GNAO1: variants seen among roughly 807,000 people sequenced by gnomAD.
GNAO1 encodes G protein subunit alpha o1.
For synonymous variants in GNAO1, 164 were observed against 180.7 expected, an observed-to-expected ratio of 0.91 and a Z score of 0.74; for missense variants, 166 against 478.7, an observed-to-expected ratio of 0.35 and a Z score of 6.10.
rs60037687 is a variant in GNAO1 at position 56,192,726 on chromosome 16, GCACA to G, written c.161+132_161+135del. On this transcript the variant is annotated intron_variant, in intron 2 of 8. Transcript: ENST00000262493. ...TCTCCAGGCCTGTTTTTTAATTCGT[GCACA>G]CACACACACACACACACACACCCCT... is the stretch of plus-strand genomic sequence containing the variant. 1.8e-3 allele frequency: 992 copies of G among 562,514 alleles called. 1 individual carries two copies. The highest frequency in any genetic ancestry group is 3.8e-3 in the African/African-American group (198 of 52,042). 34.8% of individuals were successfully genotyped at this position (562,514 alleles called of 1,614,324 possible).
intron 2 of GNAO1, among the ~76,000 whole-genome samples, chr16:56,196,528 C>G (rs2036235204): frequency 6.6e-6 from 1 of 152,186 alleles, no homozygotes; most frequent in South Asian, 2.1e-4. Flanking sequence ...CTTCCCAGTT[C>G]TGAACAAATA....
At chr16:56,263,234 A>G (rs1186268886) in intron 2 of GNAO1, among the ~76,000 whole-genome samples, 1 of 152,218 alleles carries the variant, frequency 6.6e-6, no homozygotes, top group African/African-American at 2.4e-5. Context: ...ATCTGGGGCC[A>G]CTGTTTACAG....
chr16:56,227,429 C>G (rs2036541845), intron 2 of GNAO1, among the ~76,000 whole-genome samples: 1 of 152,132 alleles, frequency 6.6e-6, no homozygotes, highest in Non-Finnish European at 1.5e-5. Flanking sequence ...AGGCCTGAGC[C>G]AGTCACTGGG....
At chr16:56,306,352 A>G (rs553307323) in intron 3 of GNAO1, among the ~76,000 whole-genome samples, 7 of 152,212 alleles carry the variant, frequency 4.6e-5, no homozygotes, top group Non-Finnish European at 5.9e-5. Context: ...TAGGCAGGGA[A>G]GTGAGTTGAC....
chr16:56,305,137 C>T (rs1373325038), intron 3 of GNAO1, among the ~76,000 whole-genome samples: 2 of 152,206 alleles, frequency 1.3e-5, no homozygotes, highest in Admixed American at 1.3e-4. Flanking sequence ...TTTCAGCTCA[C>T]CCCGCCAGAC....
chr16:56,273,413 C>T (rs557356387), intron 2 of GNAO1, among the ~76,000 whole-genome samples: 2 of 152,066 alleles, frequency 1.3e-5, no homozygotes, highest in Non-Finnish European at 2.9e-5. Flanking sequence ...TCATTATGTT[C>T]ATAATTCCCT....
chr16:56,227,421 G>T (rs1359241311), intron 2 of GNAO1, among the ~76,000 whole-genome samples: 3 of 152,072 alleles, frequency 2.0e-5, no homozygotes, highest in African/African-American at 7.2e-5. Flanking sequence ...CTGTCTCCAG[G>T]CCTGAGCCAG....
rs368488621 is a variant in GNAO1, at chr16:56,347,906, C to A, written c.724-3478C>A. The A allele has an allele frequency of 9.7e-6, 9 of 927,448 alleles. No individual in the cohort carries two copies. The South Asian group carries it at 4.5e-4, about 46-fold the overall frequency. 57.5% of individuals were successfully genotyped at this position (927,448 alleles called of 1,614,324 possible). A position where few individuals can be genotyped will look rare whatever the true frequency, so the allele number is the denominator to read the frequency against. On this transcript the variant is annotated intron_variant, in intron 6 of 8. Coordinates refer to ENST00000262493, the MANE Select transcript of GNAO1 (RefSeq NM_020988.3). ...TTCTGACCCATCCCCTGGCTCTGCC[C>A]GCCGTCCCCCACCCTGCCCCTGCTG...
chr16:56,285,354 C>T (rs1297915416), intron 3 of GNAO1, among the ~76,000 whole-genome samples: 1 of 152,078 alleles, frequency 6.6e-6, no homozygotes, highest in East Asian at 1.9e-4. Flanking sequence ...GAAGTGGCCC[C>T]CACCAATCTT....
chr16:56,356,833 A>G lies in GNAO1; in HGVS notation c.*759A>G, dbSNP rs2037973474. 6.9e-6 allele frequency: 1 copy of G among 145,660 alleles called. No individual in the cohort carries two copies. Among genetic ancestry groups the G allele is most frequent in the South Asian group, 2.2e-4 (1 of 4,632 alleles). The allele number at this position is 145,660 out of a possible 1,614,324, so 9.0% of individuals were successfully genotyped here. A position where few individuals can be genotyped will look rare whatever the true frequency, so the allele number is the denominator to read the frequency against. ...GTCCCGCCGAGTACTATGTATTACC[A>G]GCCCCCCACCCCACAGATCAGTTTT... On this transcript the variant is annotated 3_prime_UTR_variant, in exon 9 of 9. Transcript: ENST00000262493.
At chr16:56,198,377 A>G (rs922179536) in intron 2 of GNAO1, among the ~76,000 whole-genome samples, 1 of 152,224 alleles carries the variant, frequency 6.6e-6, no homozygotes, top group Non-Finnish European at 1.5e-5. Context: ...TGTGATTAGC[A>G]CTGAGGGGAA....
intron 2 of GNAO1, among the ~76,000 whole-genome samples, chr16:56,258,838 G>A (rs1854224382): frequency 6.6e-6 from 1 of 152,224 alleles, no homozygotes; most frequent in East Asian, 1.9e-4. Flanking sequence ...TTGGGTGGGA[G>A]TAGGCAGGAG....
intron 6 of GNAO1, chr16:56,345,163 C>CA: frequency 1.0e-6 from 1 of 985,996 alleles, no homozygotes; most frequent in Non-Finnish European, 1.2e-6. Context: ...GTGACGGTGA[C>CA]GCAGGTCTGG....
intron 2 of GNAO1, among the ~76,000 whole-genome samples, chr16:56,212,106 G>GA (rs2036394921): frequency 6.6e-6 from 1 of 152,136 alleles, no homozygotes; most frequent in Admixed American, 6.5e-5. Context: ...AGTCCTGTCG[G>GA]GACTACTTGT....
intron 2 of GNAO1, among the ~76,000 whole-genome samples, chr16:56,221,071 C>T (rs2036481628): frequency 6.6e-6 from 1 of 152,066 alleles, no homozygotes; most frequent in African/African-American, 2.4e-5. Flanking sequence ...AATAAAAGAG[C>T]TCAAGGGGGC....
intron 2 of GNAO1, among the ~76,000 whole-genome samples, chr16:56,242,212 A>C (rs2036700021): frequency 6.6e-6 from 1 of 151,754 alleles, no homozygotes. Context: ...AAGAAGGAAG[A>C]TGAAAAAAAT....
intron 3 of GNAO1, among the ~76,000 whole-genome samples, chr16:56,286,360 A>C (rs1280554665): frequency 6.6e-6 from 1 of 152,194 alleles, no homozygotes. Context: ...CCACACTGGC[A>C]AACTGGCTTA....
At chr16:56,241,122 A>G (rs892343598) in intron 2 of GNAO1, among the ~76,000 whole-genome samples, 1 of 152,222 alleles carries the variant, frequency 6.6e-6, no homozygotes, top group Non-Finnish European at 1.5e-5. Context: ...CAAGCGGAGC[A>G]TGCAGTTCTT....
rs912315424 is a variant in GNAO1, at chr16:56,343,183, G to A, written c.723+6323G>A. ...AAGGAAAATGGAAGTTTCACAAAAC[G>A]TGCTCCTTTTAATACAGGTGATTGG... On this transcript the variant is annotated intron_variant, in intron 6 of 8. Coordinates refer to ENST00000262493, the MANE Select transcript of GNAO1 (RefSeq NM_020988.3). Among the ~76,000 whole-genome samples, 13 of 151,354 alleles carry A rather than the reference G, an allele frequency of 8.6e-5. No individual in the cohort carries two copies. In the South Asian group the frequency reaches 1.3e-3, roughly 15 times the overall value.
Sources: gnomAD v4.1 joint callset for allele counts (sites outside exome capture counted in the v4.1 genomes callset) on GRCh38, gnomAD v4.1.1 for gene constraint, MANE v1.5 for transcripts, NCBI Gene and HGNC (gene_info 2026-07-23, HGNC 2026-07-21) for gene names.